Variants in GASK1A observed in about 807,000 individuals in gnomAD.
GASK1A encodes the protein golgi associated kinase 1A.
Under a neutral mutation model 41.2 loss-of-function variants are expected in GASK1A, and 40 were observed. That is an observed-to-expected ratio of 0.97 (90% CI 0.75 to 1.27). GASK1A has a LOEUF of 1.27. Ranked by LOEUF, GASK1A falls within the 50% of genes most tolerant of loss-of-function variation. The pLI, the probability that GASK1A is intolerant of heterozygous loss-of-function variation, is 0.00. For synonymous variants in GASK1A, 316 were observed against 307.1 expected, an observed-to-expected ratio of 1.03 and a Z score of -0.30; for missense variants, 678 against 745.1, an observed-to-expected ratio of 0.91 and a Z score of 1.05.
At position 43,027,459 on chromosome 3, in the gene GASK1A, T is replaced by C. The variant is rs553586380; in HGVS notation, c.4-4808T>C. On this transcript the variant is annotated intron_variant, in intron 1 of 4. Coordinates refer to ENST00000430121, the MANE Select transcript of GASK1A (RefSeq NM_001129908.3). ...AATAATAGCAGAGAACTAAAGAATATCATTTAAAGCTGAGAAATATATAGA... is the reference window on the plus strand; with the variant it reads ...AATAATAGCAGAGAACTAAAGAATACCATTTAAAGCTGAGAAATATATAGA... Among the ~76,000 whole-genome samples the C allele has an allele frequency of 1.7e-4, 26 of 152,184 alleles. No individual in the cohort carries two copies. The South Asian group carries it at 5.2e-3, about 30-fold the overall frequency.
rs867122854 is a variant in GASK1A at position 43,033,115 on chromosome 3, C to A, written c.852C>A (p.Pro284=). Residue 284 remains proline, a synonymous_variant, in exon 2 of 5, where the codon CCC becomes CCA. Coordinates refer to ENST00000430121, the MANE Select transcript of GASK1A (RefSeq NM_001129908.3). ...QGEVVDKARV[P]AHGQVLQVGF... ...AGGTGGTGGACAAAGCCAGGGTCCC[C>A]GCCCATGGGCAGGTGCTACAGGTTG... 6.4e-7 allele frequency: 1 copy of A among 1,551,102 alleles called. No homozygotes were observed. The highest frequency in any genetic ancestry group is 2.0e-5 in the Admixed American group (1 of 50,942).
intron 1 of GASK1A, among the ~76,000 whole-genome samples, chr3:43,015,191 A>G (rs954781230): frequency 1.3e-4 from 20 of 150,432 alleles, no homozygotes; most frequent in Admixed American, 5.3e-4. Flanking sequence ...GTGTGAAATA[A>G]CAGGGAGGGG....
chr3:43,050,040 A>T (rs1300354817), intron 2 of GASK1A, among the ~76,000 whole-genome samples: 1 of 130,718 alleles, frequency 7.7e-6, no homozygotes, highest in Non-Finnish European at 1.7e-5. Context: ...CAGAGGGGAA[A>T]AAAAGAAGTC....
At chr3:43,023,442 C>A (rs1455449708) in intron 1 of GASK1A, among the ~76,000 whole-genome samples, 1 of 152,162 alleles carries the variant, frequency 6.6e-6, no homozygotes. Flanking sequence ...TCTGTTATGG[C>A]AGCTACAGGA....
Position 43,017,384 on chromosome 3 carries a change from C to A in GASK1A, c.4-14883C>A, listed in dbSNP as rs1007203952. On this transcript the variant is annotated intron_variant, in intron 1 of 4. Coordinates refer to ENST00000430121, the MANE Select transcript of GASK1A (RefSeq NM_001129908.3). ...GGCAGTGTGAAGTCATAGGAAGGGG[C>A]AGTGGGAAGTCATGGGAAGGGGCAG... Among the ~76,000 whole-genome samples, 3 of 144,838 alleles carry A rather than the reference C, an allele frequency of 2.1e-5. No individual in the cohort carries two copies. In the South Asian group the frequency reaches 6.6e-4, roughly 32 times the overall value.
intron 1 of GASK1A, among the ~76,000 whole-genome samples, chr3:43,000,032 C>G (rs1186399818): frequency 6.6e-6 from 1 of 152,240 alleles, no homozygotes; most frequent in Non-Finnish European, 1.5e-5. Flanking sequence ...AAGACAGTCT[C>G]TTCCTCTCAA....
chr3:43,019,609 CA>C (rs1290418875), intron 1 of GASK1A, among the ~76,000 whole-genome samples: 1 of 152,114 alleles, frequency 6.6e-6, no homozygotes, highest in African/African-American at 2.4e-5. Context: ...TCCAAATTCC[CA>C]AATCTTTGCC....
At position 43,033,462 on chromosome 3, in the gene GASK1A, C is replaced by A. The variant is rs779332347; in HGVS notation, c.1199C>A (p.Ala400Glu). ...LGWLQYQALL[A>E]HSCNWPGQAP... ...TGGCTGCAGTATCAGGCCCTGCTGG[C>A]ACACAGCTGCAACTGGCCAGGCCAG... Residue 400 changes from alanine (A) to glutamate (E), a missense_variant, in exon 2 of 5, where the codon GCA becomes GAA. Physicochemically the swap from Ala to Glu is moderately radical, Grantham distance 107. Transcript: ENST00000430121. 2.6e-6 allele frequency: 4 copies of A among 1,551,088 alleles called. No homozygotes were observed. The highest frequency in any genetic ancestry group is 1.7e-4 in the Middle Eastern group (1 of 5,992).
intron 2 of GASK1A, among the ~76,000 whole-genome samples, chr3:43,035,304 A>G (rs1161731556): frequency 6.6e-6 from 1 of 152,128 alleles, no homozygotes. Flanking sequence ...GTGCTGGGGA[A>G]TGAGTACCCT....
chr3:43,004,674 A>G (rs2089426027), intron 1 of GASK1A, among the ~76,000 whole-genome samples: 1 of 152,134 alleles, frequency 6.6e-6, no homozygotes, highest in Non-Finnish European at 1.5e-5. Flanking sequence ...ACGTTTCCCC[A>G]TCTCCAGTAC....
At position 43,032,793 on chromosome 3, in the gene GASK1A, G is replaced by A. The variant is rs1007001782; in HGVS notation, c.530G>A (p.Ser177Asn). 1.9e-6 allele frequency: 3 copies of A among 1,550,886 alleles called. No homozygotes were observed. Among genetic ancestry groups the A allele is most frequent in the Non-Finnish European group, 1.7e-6 (2 of 1,147,008 alleles). ...VVTLVSPLPGSDMAALPAWRA... is the reference protein window; with the variant it reads ...VVTLVSPLPGNDMAALPAWRA... ...ACCCTGGTCAGTCCACTCCCAGGGAGTGACATGGCAGCTTTACCGGCTTGG... is the reference window on the plus strand; with the variant it reads ...ACCCTGGTCAGTCCACTCCCAGGGAATGACATGGCAGCTTTACCGGCTTGG... The change falls in exon 2 of 5, where the codon AGT (serine) becomes AAT (asparagine). Residue 177 changes from serine to asparagine, a missense_variant. Ser to Asn is a conservative substitution (Grantham distance 46, BLOSUM62 1). Transcript: ENST00000430121.
In GASK1A at chr3:43,039,332, AG is replaced by A. The variant is rs201069630; in HGVS notation, c.1290+5780del. On this transcript the variant is annotated intron_variant, in intron 2 of 4. Coordinates refer to ENST00000430121, the MANE Select transcript of GASK1A (RefSeq NM_001129908.3). ...ATTCTCCTGCCTCAGCCTCCTGAGT[AG>A]CTGTGATTACAGGCACCCACCACCA... Among the ~76,000 whole-genome samples the A allele has an allele frequency of 2.3e-3, 353 of 151,570 alleles. 6 individuals carry two copies. The East Asian group carries it at 0.027, about 12-fold the overall frequency.
At chr3:43,037,230 G>C (rs2089608988) in intron 2 of GASK1A, 2 of 1,103,200 alleles carry the variant, frequency 1.8e-6, no homozygotes, top group Non-Finnish European at 2.8e-6. Context: ...TATGTCTTCA[G>C]ACAGGTCCCT....
intron 1 of GASK1A, among the ~76,000 whole-genome samples, chr3:43,026,077 CA>C (rs1237701454): frequency 7.2e-5 from 11 of 152,096 alleles, no homozygotes; most frequent in Non-Finnish European, 2.9e-5. Flanking sequence ...AGGTGAGTGA[CA>C]CACCTGAGGA....
chr3:43,044,488 A>C (rs1022502955), intron 2 of GASK1A, among the ~76,000 whole-genome samples: 1 of 152,116 alleles, frequency 6.6e-6, no homozygotes, highest in Non-Finnish European at 1.5e-5. Context: ...CCTGCTTTAC[A>C]TCCTGTGTGG....
Position 43,012,909 on chromosome 3 carries a change from T to G in GASK1A, c.4-19358T>G, listed in dbSNP as rs545235134. 8.4e-5 allele frequency among the ~76,000 whole-genome samples: 10 copies of G among 118,934 alleles called. No homozygotes were observed. The South Asian group carries it at 2.5e-3, about 30-fold the overall frequency. 78.0% of individuals were successfully genotyped at this position (118,934 alleles called of 152,430 possible). Reference sequence around the variant, plus strand: ...CTATGTGAAGTCAGAGAAAGGGGGGTTGTGTGAGGCCACAGGAAGAAGCAG... The same window carrying G: ...CTATGTGAAGTCAGAGAAAGGGGGGGTGTGTGAGGCCACAGGAAGAAGCAG... On this transcript the variant is annotated intron_variant, in intron 1 of 4. Coordinates refer to ENST00000430121, the MANE Select transcript of GASK1A (RefSeq NM_001129908.3).
At chr3:43,035,918 G>T (rs2089601833) in intron 2 of GASK1A, among the ~76,000 whole-genome samples, 1 of 152,214 alleles carries the variant, frequency 6.6e-6, no homozygotes, top group African/African-American at 2.4e-5. Flanking sequence ...AGCCTGGATG[G>T]TCTGACTCTA....
intron 2 of GASK1A, among the ~76,000 whole-genome samples, chr3:43,046,959 C>T (rs1005168300): frequency 1.7e-4 from 26 of 152,216 alleles, no homozygotes; most frequent in African/African-American, 6.0e-4. Context: ...GAAACCTTCA[C>T]CTGTATTTCA....
At chr3:43,036,079 C>G (rs2089602623) in intron 2 of GASK1A, among the ~76,000 whole-genome samples, 2 of 152,398 alleles carry the variant, frequency 1.3e-5, no homozygotes, top group South Asian at 4.1e-4. Context: ...CTGCTCTCTG[C>G]TCCACACAGA....
Sources: gnomAD v4.1 joint callset for allele counts (sites outside exome capture counted in the v4.1 genomes callset) on GRCh38, gnomAD v4.1.1 for gene constraint, MANE v1.5 for transcripts, NCBI Gene and HGNC (gene_info 2026-07-23, HGNC 2026-07-21) for gene names.